The following MAP1A variants were observed in gnomAD, a reference collection of about 807,000 sequenced individuals.
MAP1A encodes microtubule-associated protein 1A.
Under a neutral mutation model 185.9 loss-of-function variants are expected in MAP1A, and 42 were observed. The ratio of observed to expected loss-of-function variants is 0.23; its 90% CI spans 0.18 to 0.29. MAP1A has a LOEUF of 0.29. Among genes scored for constraint, MAP1A ranks in the 10% least tolerant of loss-of-function variants. The probability of loss-of-function intolerance (pLI) is 1.00; values close to 1 mark genes in which losing one functional copy is unlikely to be tolerated. For missense variants in MAP1A, 2,995 were observed against 3,450.4 expected, an observed-to-expected ratio of 0.87 and a Z score of 3.31; for synonymous variants, 1,229 against 1,335.9, an observed-to-expected ratio of 0.92 and a Z score of 1.74.
Position 43,527,231 on chromosome 15 carries a change from G to C in MAP1A, c.5758G>C (p.Gly1920Arg), listed in dbSNP as rs1427381573. Reference sequence around the variant, plus strand: ...GGCTGAAGGGGAAAGGGAAGAAGAAGGTAGGGCTGAGGCTCCTGACAAAAG... The same window carrying C: ...GGCTGAAGGGGAAAGGGAAGAAGAACGTAGGGCTGAGGCTCCTGACAAAAG... The part of the protein sequence containing the change: ...RKAEGEREEE[G>R]RAEAPDKSSH... The change falls in exon 4 of 6, where the codon GGT becomes CGT. Residue 1920 changes from glycine (G) to arginine (R), a missense_variant. This residue lies in a region of MAP1A where 2,728 missense variants were observed against 2,986.0 expected (regional missense o/e 0.91). Transcript: ENST00000300231. The C allele has an allele frequency of 6.2e-7, 1 of 1,614,142 alleles. No homozygotes were observed. The highest frequency in any genetic ancestry group is 1.7e-5 in the Admixed American group (1 of 60,026).
In MAP1A at chr15:43,521,076, A is replaced by G. The variant is rs755459176; in HGVS notation, c.-187A>G. On this transcript the variant is annotated 5_prime_UTR_variant, in exon 3 of 6. Coordinates refer to ENST00000300231, the MANE Select transcript of MAP1A (RefSeq NM_002373.6). The surrounding 1 kb of genome is among the most constrained non-coding windows in gnomAD (Gnocchi z 4.6). ...TCATCCTACAGAGTGGCACCTACTCATATGAAAACTTTGCCCAGGTCCTTC... is the reference window on the plus strand; with the variant it reads ...TCATCCTACAGAGTGGCACCTACTCGTATGAAAACTTTGCCCAGGTCCTTC... The G allele has an allele frequency of 2.7e-5, 42 of 1,549,882 alleles. No individual in the cohort carries two copies. Among genetic ancestry groups the G allele is most frequent in the Middle Eastern group, 1.7e-4 (1 of 5,962 alleles).
chr15:43,527,798 G>A lies in MAP1A; in HGVS notation c.6325G>A (p.Glu2109Lys). ...CTGGGATGACAGCACTAGTGACTCA[G>A]AACTGGAGAAGGGGGCTCGGGAACA... ...SHWDDSTSDS[E>K]LEKGAREQPE... Residue 2109 changes from glutamate to lysine, a missense_variant, in exon 4 of 6, where the codon GAA becomes AAA. Physicochemically the swap from Glu to Lys is moderately conservative, Grantham distance 56. Transcript: ENST00000300231. 1 of 1,613,914 alleles carries A rather than the reference G, an allele frequency of 6.2e-7. No homozygotes were observed. The highest frequency in any genetic ancestry group is 8.5e-7 in the Non-Finnish European group (1 of 1,179,924).
rs1177982161 is a variant in MAP1A, at chr15:43,524,850, C to G, written c.3377C>G (p.Pro1126Arg). 6.2e-7 allele frequency: 1 copy of G among 1,613,978 alleles called. No individual in the cohort carries two copies. The highest frequency in any genetic ancestry group is 8.5e-7 in the Non-Finnish European group (1 of 1,180,034). ...CTTCCCGGAGGTTTGAGGACTTTACCCCAAGAACCTGGCAAACCTCAGAAA... is the reference window on the plus strand; with the variant it reads ...CTTCCCGGAGGTTTGAGGACTTTACGCCAAGAACCTGGCAAACCTCAGAAA... ...EALPGGLRTLPQEPGKPQKDE... is the reference protein window; with the variant it reads ...EALPGGLRTLRQEPGKPQKDE... Residue 1126 changes from proline (P) to arginine (R), a missense_variant, in exon 4 of 6, where the codon CCC becomes CGC. Transcript: ENST00000300231.
At chr15:43,517,281 G>A (rs2079301075), upstream of MAP1A, among the ~76,000 whole-genome samples, 1 of 152,162 alleles carries the variant, frequency 6.6e-6, no homozygotes, top group Admixed American at 6.5e-5. Context: ...AGAAGGGGGA[G>A]AGCCCACGCA....
At chr15:43,512,521 G>C (rs897617573) in intron 2 of MAP1A, among the ~76,000 whole-genome samples, 24 of 152,182 alleles carry the variant, frequency 1.6e-4, no homozygotes, top group African/African-American at 5.8e-4. Context: ...TTGAGAAGAG[G>C]GTTGTTTGTG....
chr15:43,510,991 G>A (rs1001360485), exon 1 of MAP1A: 5 of 1,541,312 alleles, frequency 3.2e-6, no homozygotes, highest in Middle Eastern at 1.9e-4. Context: ...GTGTTTCCAT[G>A]GAGACCGAGG....
chr15:43,518,233 G>A (rs1418514486), intron 1 of MAP1A, among the ~76,000 whole-genome samples: 1 of 152,066 alleles, frequency 6.6e-6, no homozygotes, highest in South Asian at 2.1e-4. Context: ...CGTGGCACGC[G>A]CCTCCTTACA....
chr15:43,530,380 G>A lies in MAP1A; in HGVS notation c.*156G>A. 1 of 852,824 alleles carries A rather than the reference G, an allele frequency of 1.2e-6. No individual in the cohort carries two copies. The highest frequency in any genetic ancestry group is 1.8e-5 in the South Asian group (1 of 56,646). 52.8% of individuals were successfully genotyped at this position (852,824 alleles called of 1,614,324 possible). ...TGGGCTGGGCTAAATGGGAGGGGTTGTCCCTCCCCATCATCCATTCCTGTG... is the reference window on the plus strand; with the variant it reads ...TGGGCTGGGCTAAATGGGAGGGGTTATCCCTCCCCATCATCCATTCCTGTG... On this transcript the variant is annotated 3_prime_UTR_variant, in exon 6 of 6. Coordinates refer to ENST00000300231, the MANE Select transcript of MAP1A (RefSeq NM_002373.6).
At chr15:43,513,187 C>T (rs539460727), upstream of MAP1A, among the ~76,000 whole-genome samples, 1 of 152,032 alleles carries the variant, frequency 6.6e-6, no homozygotes, top group Non-Finnish European at 1.5e-5. Context: ...ACTAGCTGGG[C>T]GTGGTGGTGC....
rs117656171 is a variant in MAP1A, at chr15:43,518,051, C to G, written c.-375+351C>G. Among the ~76,000 whole-genome samples, 221 of 152,208 alleles carry G rather than the reference C, an allele frequency of 1.5e-3. 1 individual carries two copies. The highest frequency in any genetic ancestry group is 8.2e-4 in the Non-Finnish European group (56 of 68,004). Reference sequence around the variant, plus strand: ...TGTTTCTGGTCAGAGGCAGAAGAATCTGAGAGAAAGGGGGATGTTATGGGA... The same window carrying G: ...TGTTTCTGGTCAGAGGCAGAAGAATGTGAGAGAAAGGGGGATGTTATGGGA... On this transcript the variant is annotated intron_variant, in intron 1 of 5. Coordinates refer to ENST00000300231, the MANE Select transcript of MAP1A (RefSeq NM_002373.6).
chr15:43,526,582 G>T lies in MAP1A; in HGVS notation c.5109G>T (p.Glu1703Asp), dbSNP rs761808856. The T allele has an allele frequency of 1.9e-6, 3 of 1,614,206 alleles. No individual in the cohort carries two copies. The highest frequency in any genetic ancestry group is 8.5e-7 in the Non-Finnish European group (1 of 1,180,036). The change falls in exon 4 of 6, where the codon GAG (glutamate) becomes GAT (aspartate). Residue 1703 changes from glutamate to aspartate, a missense_variant. Glu to Asp is a conservative substitution (Grantham distance 45). Coordinates refer to ENST00000300231, the MANE Select transcript of MAP1A (RefSeq NM_002373.6). This position sits in a 1 kb window ranked among gnomAD's most constrained non-coding sequence, Gnocchi z 4.7. ...CATACTGGAGGGAGCTAAGCTGTGAGCGGAAGGTCTGGTTCCCTCACGAGC... is the reference window on the plus strand; with the variant it reads ...CATACTGGAGGGAGCTAAGCTGTGATCGGAAGGTCTGGTTCCCTCACGAGC... Reference protein sequence around the residue: ...QDTYWRELSCERKVWFPHELD... With the variant: ...QDTYWRELSCDRKVWFPHELD...
chr15:43,520,615 T>C, intron 1 of MAP1A, 26 bp from the exon 2 acceptor site: 1 of 1,396,926 alleles, frequency 7.2e-7, no homozygotes. Context: ...CTATTCTCAA[T>C]ATAAATTCCT....
Position 43,521,290 on chromosome 15 carries a change from G to T in MAP1A, c.-150-34G>T, listed in dbSNP as rs1417238755. ...TAAGTCAGACCAAAACAACTCTAGT[G>T]ACCTGATCAGGTTTCTATCTCCTAT... On this transcript the variant is annotated intron_variant, in intron 3 of 5. Coordinates refer to ENST00000300231, the MANE Select transcript of MAP1A (RefSeq NM_002373.6). The surrounding 1 kb of genome is among the most constrained non-coding windows in gnomAD (Gnocchi z 4.6). The T allele has an allele frequency of 6.4e-7, 1 of 1,551,068 alleles. No homozygotes were observed. The highest frequency in any genetic ancestry group is 1.2e-5 in the South Asian group (1 of 84,156).
Position 43,530,606 on chromosome 15 carries a change from A to G in MAP1A, c.*382A>G, listed in dbSNP as rs781169694. ...CAACTCCAGGGACCTCTTTATCTCA[A>G]TCTATTTATTTGGCATCCTGGGAGG... On this transcript the variant is annotated 3_prime_UTR_variant, in exon 6 of 6. Coordinates refer to ENST00000300231, the MANE Select transcript of MAP1A (RefSeq NM_002373.6). The G allele has an allele frequency of 5.5e-6, 1 of 183,428 alleles. No homozygotes were observed. The allele number at this position is 183,428 out of a possible 1,614,324, so 11.4% of individuals were successfully genotyped here.
At chr15:43,511,346 G>A in intron 1 of MAP1A, 1 of 751,558 alleles carries the variant, frequency 1.3e-6, no homozygotes, top group South Asian at 1.8e-5. Context: ...CCTGAGATCT[G>A]CGCCCTTGTC....
At position 43,525,770 on chromosome 15, in the gene MAP1A, G is replaced by T; in HGVS notation, c.4297G>T (p.Asp1433Tyr). 1.2e-6 allele frequency: 2 copies of T among 1,614,072 alleles called. No homozygotes were observed. The highest frequency in any genetic ancestry group is 1.7e-6 in the Non-Finnish European group (2 of 1,180,022). ...EQKDKALEPK[D>Y]KDLEEKDKAL... ...GAAGGACAAGGCCCTGGAACCAAAA[G>T]ACAAAGACTTAGAAGAAAAAGACAA... The change falls in exon 4 of 6, where the codon GAC becomes TAC. Residue 1433 changes from aspartate (D) to tyrosine (Y), a missense_variant. Physicochemically the swap from Asp to Tyr is radical, Grantham distance 160 (BLOSUM62 -3). Transcript: ENST00000300231.
rs2079326744 is a variant in MAP1A, at chr15:43,523,145, C to T, written c.1672C>T (p.Pro558Ser). The T allele has an allele frequency of 6.2e-7, 1 of 1,614,012 alleles. No homozygotes were observed. The highest frequency in any genetic ancestry group is 8.5e-7 in the Non-Finnish European group (1 of 1,180,046). ...AAGGGACACAGGACTAGGAGATAAG[C>T]CATTCCCTCTAGACACTGCAGAGGA... Reference protein sequence around the residue: ...EQRDTGLGDKPFPLDTAEEGP... With the variant: ...EQRDTGLGDKSFPLDTAEEGP... The change falls in exon 4 of 6, where the codon CCA becomes TCA. Residue 558 changes from proline (P) to serine (S), a missense_variant. Around this residue, in one of 3 missense-constraint regions of MAP1A, gnomAD observed 2,728 missense variants for 2,986.0 expected, o/e 0.91. Coordinates refer to ENST00000300231, the MANE Select transcript of MAP1A (RefSeq NM_002373.6).
intron 2 of MAP1A, chr15:43,512,378 G>A: frequency 1.1e-6 from 1 of 941,428 alleles, no homozygotes; most frequent in Non-Finnish European, 1.7e-6. Context: ...CTTGCGGGAG[G>A]TTTGAGTGGA....
At chr15:43,519,597 A>G (rs1395788573) in intron 1 of MAP1A, among the ~76,000 whole-genome samples, 1 of 152,230 alleles carries the variant, frequency 6.6e-6, no homozygotes, top group East Asian at 1.9e-4. Context: ...TTGGCAAGGA[A>G]GGGCGGGTGC....
Sources: gnomAD v4.1 joint callset for allele counts (sites outside exome capture counted in the v4.1 genomes callset) on GRCh38, gnomAD v4.1.1 for gene constraint, gnomAD v4.1.1 regional missense constraint, Gnocchi (gnomAD v3.1) non-coding constraint, MANE v1.5 for transcripts, NCBI Gene and HGNC (gene_info 2026-07-23, HGNC 2026-07-21) for gene names.